Variants in EEFSEC observed in about 807,000 individuals in gnomAD.
EEFSEC encodes eukaryotic elongation factor, selenocysteine-tRNA specific.
A neutral mutation model predicts 42.1 loss-of-function variants in EEFSEC; 43 were observed. The observed-to-expected ratio is 1.02, with a 90% confidence interval of 0.80 to 1.32. EEFSEC has a LOEUF of 1.32. Among genes scored for constraint, EEFSEC ranks in the 40% most tolerant of loss-of-function variants. The pLI is 0.00. For synonymous variants in EEFSEC, 354 were observed against 339.1 expected, an observed-to-expected ratio of 1.04 and a Z score of -0.48; for missense variants, 745 against 803.6, an observed-to-expected ratio of 0.93 and a Z score of 0.88.
At chr3:128,408,970 C>A (rs1422689265), downstream of EEFSEC, among the ~76,000 whole-genome samples, 1 of 152,140 alleles carries the variant, frequency 6.6e-6, no homozygotes, top group Non-Finnish European at 1.5e-5. Context: ...TGTTCCTCCA[C>A]CCCAACACGA....
chr3:128,402,712 C>T (rs889316622), intron 6 of EEFSEC, among the ~76,000 whole-genome samples: 2 of 152,224 alleles, frequency 1.3e-5, no homozygotes, highest in African/African-American at 2.4e-5. Flanking sequence ...TCTTAGTTCA[C>T]ACTGTGACCA....
At position 128,245,348 on chromosome 3, in the gene EEFSEC, G is replaced by A. The variant is rs545867693; in HGVS notation, c.317-1488G>A. Among the ~76,000 whole-genome samples, 8 of 152,322 alleles carry A rather than the reference G, an allele frequency of 5.3e-5. No individual in the cohort carries two copies. The South Asian group carries it at 1.0e-3, about 20-fold the overall frequency. On this transcript the variant is annotated intron_variant, in intron 1 of 6. Transcript: ENST00000254730. ...GTTTTTAATAGTCTGTTCTGTTCAC[G>A]GTAGATGATAGAGTCAGTGTCCATC...
chr3:128,394,313 C>T (rs772808541), intron 6 of EEFSEC, among the ~76,000 whole-genome samples: 52 of 152,304 alleles, frequency 3.4e-4, no homozygotes, highest in South Asian at 1.0e-3. Context: ...CAGCCAGCAC[C>T]GCCGCCTGCC....
chr3:128,235,333 T>TCG (rs1346265987), intron 1 of EEFSEC, among the ~76,000 whole-genome samples: 1 of 152,144 alleles, frequency 6.6e-6, no homozygotes, highest in African/African-American at 2.4e-5. Flanking sequence ...CCTCCCAAAG[T>TCG]GCTGGGATTA....
Position 128,232,761 on chromosome 3 carries a change from A to G in EEFSEC, c.317-14075A>G, listed in dbSNP as rs1266215532. Among the ~76,000 whole-genome samples the G allele has an allele frequency of 2.6e-5, 4 of 152,200 alleles. No homozygotes were observed. The East Asian group carries it at 7.7e-4, about 29-fold the overall frequency. On this transcript the variant is annotated intron_variant, in intron 1 of 6. Coordinates refer to ENST00000254730, the MANE Select transcript of EEFSEC (RefSeq NM_021937.5). ...AAGTCAGCTAAAAAGATTACCCTAG[A>G]TAGACTATGACACGGTAGCTTAAAG... is the stretch of plus-strand genomic sequence containing the variant.
intron 5 of EEFSEC, among the ~76,000 whole-genome samples, chr3:128,350,112 C>T (rs901257561): frequency 6.6e-6 from 1 of 152,250 alleles, no homozygotes; most frequent in Non-Finnish European, 1.5e-5. Context: ...AACATGCAGA[C>T]GCCATCAGGA....
intron 1 of EEFSEC, among the ~76,000 whole-genome samples, chr3:128,238,215 G>A (rs1277731409): frequency 6.6e-6 from 1 of 152,106 alleles, no homozygotes; most frequent in Non-Finnish European, 1.5e-5. Context: ...GAGGCAATAG[G>A]GAATTGCAGG....
rs182825621 is a variant in EEFSEC, at chr3:128,189,769, A to G, written c.316+35946A>G. Among the ~76,000 whole-genome samples the G allele has an allele frequency of 1.6e-3, 241 of 152,018 alleles. 2 individuals carry two copies. In the Middle Eastern group the frequency reaches 0.017, roughly 11 times the overall value. On this transcript the variant is annotated intron_variant, in intron 1 of 6. Coordinates refer to ENST00000254730, the MANE Select transcript of EEFSEC (RefSeq NM_021937.5). ...AGACGGGGGTCTCACCATGTTGCCCAGGCTGATCTCGAACTTCTGGGCTCA... is the reference window on the plus strand; with the variant it reads ...AGACGGGGGTCTCACCATGTTGCCCGGGCTGATCTCGAACTTCTGGGCTCA...
intron 1 of EEFSEC, among the ~76,000 whole-genome samples, chr3:128,161,380 G>A (rs1363537244): frequency 6.6e-6 from 1 of 152,152 alleles, no homozygotes; most frequent in Non-Finnish European, 1.5e-5. Flanking sequence ...GTCCTCTGGT[G>A]GCTGTGAGGA....
intron 6 of EEFSEC, among the ~76,000 whole-genome samples, chr3:128,398,730 G>A (rs1702153): frequency 0.1 from 15,899 of 152,184 alleles, 1,079 homozygotes; most frequent in South Asian, 0.21. Flanking sequence ...CGCCCCACTC[G>A]CAGCTGTGTG....
chr3:128,265,635 G>A (rs914135279), intron 4 of EEFSEC, among the ~76,000 whole-genome samples: 1 of 152,184 alleles, frequency 6.6e-6, no homozygotes, highest in Admixed American at 6.5e-5. Flanking sequence ...GGAAGTGGAG[G>A]TGCTCAGCCC....
At position 128,303,107 on chromosome 3, in the gene EEFSEC, AT is replaced by A. The variant is rs201098589; in HGVS notation, c.787-38119del. On this transcript the variant is annotated intron_variant, in intron 4 of 6. Transcript: ENST00000254730. ...TGCATCAAATGATATATTGCTTTGC[AT>A]TTTTTTAAACATTATTATTATTATT... Among the ~76,000 whole-genome samples the A allele has an allele frequency of 2.6e-5, 4 of 152,166 alleles. No homozygotes were observed. The East Asian group carries it at 7.7e-4, about 29-fold the overall frequency.
At chr3:128,174,494 G>A (rs914534482) in intron 1 of EEFSEC, among the ~76,000 whole-genome samples, 7 of 152,152 alleles carry the variant, frequency 4.6e-5, no homozygotes, top group South Asian at 2.1e-4. Context: ...TCTGGAAAAC[G>A]CAGAGGAGGT....
At chr3:128,410,159 G>A (rs898463050), downstream of EEFSEC, among the ~76,000 whole-genome samples, 2 of 152,178 alleles carry the variant, frequency 1.3e-5, no homozygotes, top group African/African-American at 4.8e-5. Flanking sequence ...TGCTGGTGAG[G>A]GCCAGCACTG....
intron 4 of EEFSEC, among the ~76,000 whole-genome samples, chr3:128,287,758 A>C (rs1478034016): frequency 6.6e-6 from 1 of 152,266 alleles, no homozygotes; most frequent in Non-Finnish European, 1.5e-5. Flanking sequence ...TTGTTAAAAA[A>C]ATAGGTAATG....
chr3:128,301,253 C>G (rs979864871), intron 4 of EEFSEC, among the ~76,000 whole-genome samples: 4 of 152,182 alleles, frequency 2.6e-5, no homozygotes, highest in African/African-American at 9.7e-5. Context: ...CTGGGAGGCC[C>G]CGCAGCTGCA....
chr3:128,353,377 AC>A (rs1241060328), intron 5 of EEFSEC, among the ~76,000 whole-genome samples: 1 of 152,180 alleles, frequency 6.6e-6, no homozygotes, highest in Non-Finnish European at 1.5e-5. Flanking sequence ...CTGGGCTGGA[AC>A]ACCTTCCTGT....
intron 1 of EEFSEC, among the ~76,000 whole-genome samples, chr3:128,238,733 G>T (rs897547130): frequency 6.6e-6 from 1 of 152,172 alleles, no homozygotes; most frequent in Non-Finnish European, 1.5e-5. Context: ...CAGGCAATCT[G>T]CCCACTTCAG....
intron 6 of EEFSEC, among the ~76,000 whole-genome samples, chr3:128,376,459 G>A (rs1393045768): frequency 6.6e-6 from 1 of 152,148 alleles, no homozygotes; most frequent in Admixed American, 6.5e-5. Flanking sequence ...GACTGCTGGG[G>A]TTTCTTCCCC....
Sources: gnomAD v4.1 joint callset for allele counts (sites outside exome capture counted in the v4.1 genomes callset) on GRCh38, gnomAD v4.1.1 for gene constraint, MANE v1.5 for transcripts, NCBI Gene and HGNC (gene_info 2026-07-23, HGNC 2026-07-21) for gene names.